Variants in DYNLL2 observed in about 807,000 individuals in gnomAD.
DYNLL2 encodes the protein dynein light chain 2, cytoplasmic.
DYNLL2 carries 1 observed loss-of-function variant against 9.7 expected under a neutral mutation model. That is an observed-to-expected ratio of 0.10 (90% CI 0.04 to 0.49). DYNLL2 has a LOEUF of 0.49. DYNLL2 is among the 20% of genes least tolerant of loss of function. The probability of loss-of-function intolerance (pLI) is 0.95; values close to 1 mark genes in which losing one functional copy is unlikely to be tolerated. For synonymous variants in DYNLL2, 35 were observed against 40.5 expected (o/e 0.86, Z 0.52); for missense variants, 37 against 115.2 (o/e 0.32, Z 3.11).
At chr17:58,086,934 G>A (rs111683586) in intron 1 of DYNLL2, 148 bp from the exon 2 acceptor site, 3 of 863,248 alleles carry the variant, frequency 3.5e-6, no homozygotes, top group African/African-American at 3.4e-5. Context: ...AAAGCTTAGG[G>A]GCTCCCTCTC....
At chr17:58,088,033 CTG>C (rs1426737754) in intron 2 of DYNLL2, among the ~76,000 whole-genome samples, 2 of 152,178 alleles carry the variant, frequency 1.3e-5, no homozygotes, top group Non-Finnish European at 2.9e-5. Context: ...TTTTACAGAA[CTG>C]TGTTTTCCTA....
chr17:58,083,886 C>A (rs1598086828), intron 1 of DYNLL2, among the ~76,000 whole-genome samples: 2 of 151,648 alleles, frequency 1.3e-5, no homozygotes, highest in East Asian at 3.9e-4. Context: ...TCGGCGCAGC[C>A]CGGGCTGCGC....
At position 58,093,851 on chromosome 17, in the gene DYNLL2, G is replaced by A. The variant is rs922619453; in HGVS notation, c.*4572G>A. 6.6e-6 allele frequency: 1 copy of A among 150,922 alleles called. No homozygotes were observed. Among genetic ancestry groups the A allele is most frequent in the African/African-American group, 2.5e-5 (1 of 40,636 alleles). 9.3% of individuals were successfully genotyped at this position (150,922 alleles called of 1,614,324 possible). ...AGCCCCTTCACTACCCTAGTAACAA[G>A]TATGACCTGTTGCCTGTTGAGGTCA... On this transcript the variant is annotated 3_prime_UTR_variant, in exon 3 of 3. Coordinates refer to ENST00000579991, the MANE Select transcript of DYNLL2 (RefSeq NM_080677.3).
At position 58,087,006 on chromosome 17, in the gene DYNLL2, G is replaced by A. The variant is rs2075762483; in HGVS notation, c.-9-76G>A. On this transcript the variant is annotated intron_variant, in intron 1 of 2. Coordinates refer to ENST00000579991, the MANE Select transcript of DYNLL2 (RefSeq NM_080677.3). ...CTTCTATACTCCCCTCTTGCACTGAGACCCCACACCCAGCAGCTAATGTTC... is the reference window on the plus strand; with the variant it reads ...CTTCTATACTCCCCTCTTGCACTGAAACCCCACACCCAGCAGCTAATGTTC... The A allele has an allele frequency of 1.1e-5, 18 of 1,566,586 alleles. No homozygotes were observed. In the South Asian group the frequency reaches 1.7e-4, roughly 15 times the overall value.
At chr17:58,084,133 G>A (rs1402294066) in intron 1 of DYNLL2, among the ~76,000 whole-genome samples, 1 of 151,988 alleles carries the variant, frequency 6.6e-6, no homozygotes, top group Non-Finnish European at 1.5e-5. Flanking sequence ...GTTCCAGGCC[G>A]GGTGGGGGAG....
Position 58,089,249 on chromosome 17 carries a change from A to G in DYNLL2, c.240A>G (p.Gln80=), listed in dbSNP as rs1355909439. The G allele has an allele frequency of 6.2e-7, 1 of 1,614,138 alleles. No individual in the cohort carries two copies. The highest frequency in any genetic ancestry group is 8.5e-7 in the Non-Finnish European group (1 of 1,180,014). The part of the protein sequence containing the change: ...TKHFIYFYLG[Q]VAILLFKSG Reference sequence around the variant, plus strand: ...ACTTCATCTATTTTTACTTGGGTCAAGTTGCAATCCTCCTCTTCAAGTCAG... The same window carrying G: ...ACTTCATCTATTTTTACTTGGGTCAGGTTGCAATCCTCCTCTTCAAGTCAG... The change falls in exon 3 of 3, where the codon CAA becomes CAG. Residue 80 remains glutamine (Q), a synonymous_variant. Transcript: ENST00000579991.
At chr17:58,088,198 C>G (rs575579645) in intron 2 of DYNLL2, among the ~76,000 whole-genome samples, 1 of 152,170 alleles carries the variant, frequency 6.6e-6, no homozygotes, top group South Asian at 2.1e-4. Context: ...GGTCTGCGCT[C>G]TTTTTTTGCT....
At position 58,089,960 on chromosome 17, in the gene DYNLL2, T is replaced by C. The variant is rs115524146; in HGVS notation, c.*681T>C. 1,678 of 398,708 alleles carry C rather than the reference T, an allele frequency of 4.2e-3. 30 individuals are homozygous for C. Among genetic ancestry groups the C allele is most frequent in the African/African-American group, 0.032 (1,554 of 48,696 alleles). 24.7% of individuals were successfully genotyped at this position (398,708 alleles called of 1,614,324 possible). ...AATTTCTAAGTAAGGGCTGTGTCTT[T>C]GTGGATTACCTTCTTTTGTTCTTCC... On this transcript the variant is annotated 3_prime_UTR_variant, in exon 3 of 3. Transcript: ENST00000579991.
chr17:58,089,340 G>T lies in DYNLL2; in HGVS notation c.*61G>T, dbSNP rs1598088933. On this transcript the variant is annotated 3_prime_UTR_variant, in exon 3 of 3. Coordinates refer to ENST00000579991, the MANE Select transcript of DYNLL2 (RefSeq NM_080677.3). ...GATGGCAAGCAGGCGGCGTTGCTGG[G>T]ACTGTTTTGCACTGGAGCCAGCATC... 47 of 1,595,322 alleles carry T rather than the reference G, an allele frequency of 2.9e-5. 1 individual carries two copies. In the Middle Eastern group the frequency reaches 5.0e-4, roughly 17 times the overall value.
chr17:58,084,340 G>A (rs1207520882), intron 1 of DYNLL2, among the ~76,000 whole-genome samples: 1 of 152,202 alleles, frequency 6.6e-6, no homozygotes, highest in Admixed American at 6.5e-5. Flanking sequence ...GGCGGGTGGG[G>A]ATGGTGGTCC....
rs2075773150 is a variant in DYNLL2, at chr17:58,089,689, G to C, written c.*410G>C. 1 of 408,346 alleles carries C rather than the reference G, an allele frequency of 2.4e-6. No individual in the cohort carries two copies. The highest frequency in any genetic ancestry group is 4.3e-6 in the Non-Finnish European group (1 of 233,988). 25.3% of individuals were successfully genotyped at this position (408,346 alleles called of 1,614,324 possible). ...AAAACTGTGCAGCTGCCTCTTCCTG[G>C]CGGTGGATGCTGCTTTGGGAGGGCC... is the stretch of plus-strand genomic sequence containing the variant. On this transcript the variant is annotated 3_prime_UTR_variant, in exon 3 of 3. Transcript: ENST00000579991.
At position 58,087,010 on chromosome 17, in the gene DYNLL2, C is replaced by G. The variant is rs574016925; in HGVS notation, c.-9-72C>G. 5 of 1,577,088 alleles carry G rather than the reference C, an allele frequency of 3.2e-6. No homozygotes were observed. The African/African-American group carries it at 6.7e-5, about 21-fold the overall frequency. ...TATACTCCCCTCTTGCACTGAGACC[C>G]CACACCCAGCAGCTAATGTTCACTG... On this transcript the variant is annotated intron_variant, in intron 1 of 2. Coordinates refer to ENST00000579991, the MANE Select transcript of DYNLL2 (RefSeq NM_080677.3).
intron 2 of DYNLL2, among the ~76,000 whole-genome samples, chr17:58,087,974 G>A (rs1306449446): frequency 6.6e-6 from 1 of 152,224 alleles, no homozygotes; most frequent in Non-Finnish European, 1.5e-5. Context: ...ACATGTGTAA[G>A]AATGGTGGCA....
rs2075773986 is a variant in DYNLL2 at position 58,089,886 on chromosome 17, C to T, written c.*607C>T. 2 of 398,484 alleles carry T rather than the reference C, an allele frequency of 5.0e-6. No homozygotes were observed. The highest frequency in any genetic ancestry group is 8.8e-6 in the Non-Finnish European group (2 of 226,172). 24.7% of individuals were successfully genotyped at this position (398,484 alleles called of 1,614,324 possible). The stretch of plus-strand genomic sequence containing the variant: ...TTTAGGGGCCCTGAGATGTGTTTGT[C>T]TGTGGTGTGTGGGAGTGGGGAGCAG... On this transcript the variant is annotated 3_prime_UTR_variant, in exon 3 of 3. Transcript: ENST00000579991.
At position 58,091,888 on chromosome 17, in the gene DYNLL2, T is replaced by G. The variant is rs971368331; in HGVS notation, c.*2609T>G. On this transcript the variant is annotated 3_prime_UTR_variant, in exon 3 of 3. Coordinates refer to ENST00000579991, the MANE Select transcript of DYNLL2 (RefSeq NM_080677.3). ...TTACTATTTCTTTACTCAAAAATAT[T>G]TAAGAGTTCTTGTATGCTTGGGCCT... The G allele has an allele frequency of 6.6e-6, 1 of 152,198 alleles. No homozygotes were observed. Among genetic ancestry groups the G allele is most frequent in the Non-Finnish European group, 1.5e-5 (1 of 68,050 alleles). The allele number at this position is 152,198 out of a possible 1,614,324, so 9.4% of individuals were successfully genotyped here.
In DYNLL2 at chr17:58,092,873, C is replaced by T. The variant is rs190199397; in HGVS notation, c.*3594C>T. On this transcript the variant is annotated 3_prime_UTR_variant, in exon 3 of 3. Transcript: ENST00000579991. ...CCCCGCTAAATTATTCTCTCACCTC[C>T]TTTCAGTCTTTGCTCAAACATCCTT... 142 of 148,380 alleles carry T rather than the reference C, an allele frequency of 9.6e-4. 1 individual carries two copies. Among genetic ancestry groups the T allele is most frequent in the African/African-American group, 3.7e-3 (139 of 37,850 alleles). The allele number at this position is 148,380 out of a possible 1,614,324, so 9.2% of individuals were successfully genotyped here. A position where few individuals can be genotyped will look rare whatever the true frequency, so the allele number is the denominator to read the frequency against.
rs1193227533 is a variant in DYNLL2 at position 58,092,003 on chromosome 17, C to T, written c.*2724C>T. On this transcript the variant is annotated 3_prime_UTR_variant, in exon 3 of 3. Transcript: ENST00000579991. ...TATGTGTAGAGCAGACATACACACA[C>T]TGATCAACTTTTTCCAATAGTGATA... 5 of 152,132 alleles carry T rather than the reference C, an allele frequency of 3.3e-5. No homozygotes were observed. Among genetic ancestry groups the T allele is most frequent in the Non-Finnish European group, 1.5e-5 (1 of 68,036 alleles). 9.4% of individuals were successfully genotyped at this position (152,132 alleles called of 1,614,324 possible).
rs753105334 is a variant in DYNLL2 at position 58,091,967 on chromosome 17, A to G, written c.*2688A>G. The G allele has an allele frequency of 2.0e-5, 3 of 152,236 alleles. No homozygotes were observed. Among genetic ancestry groups the G allele is most frequent in the Non-Finnish European group, 4.4e-5 (3 of 68,050 alleles). 9.4% of individuals were successfully genotyped at this position (152,236 alleles called of 1,614,324 possible). ...CAAGTAAGTTCTAGGCTTCTATGACATACACATTCTTATGTGTAGAGCAGA... is the reference window on the plus strand; with the variant it reads ...CAAGTAAGTTCTAGGCTTCTATGACGTACACATTCTTATGTGTAGAGCAGA... On this transcript the variant is annotated 3_prime_UTR_variant, in exon 3 of 3. Coordinates refer to ENST00000579991, the MANE Select transcript of DYNLL2 (RefSeq NM_080677.3).
At chr17:58,088,937 T>G (rs1158171578) in intron 2 of DYNLL2, among the ~76,000 whole-genome samples, 3 of 151,980 alleles carry the variant, frequency 2.0e-5, no homozygotes, top group Non-Finnish European at 1.5e-5. Flanking sequence ...CTTTGTGGTG[T>G]TCCATTATTA....
Sources: gnomAD v4.1 joint callset for allele counts (sites outside exome capture counted in the v4.1 genomes callset) on GRCh38, gnomAD v4.1.1 for gene constraint, MANE v1.5 for transcripts, NCBI Gene and HGNC (gene_info 2026-07-23, HGNC 2026-07-21) for gene names.